The following NEBL variants were observed in gnomAD, a reference collection of about 807,000 sequenced individuals.
NEBL encodes nebulette.
NEBL carries 122 observed loss-of-function variants against 140.2 expected under a neutral mutation model. The observed-to-expected ratio is 0.87, with a 90% confidence interval of 0.75 to 1.01. The LOEUF is 1.01. NEBL is among the 50% of genes least tolerant of loss of function. NEBL has a pLI of 0.00. For missense variants in NEBL, 1,365 were observed against 1,231.3 expected, an observed-to-expected ratio of 1.11 and a Z score of -1.62; for synonymous variants, 436 against 398.9, an observed-to-expected ratio of 1.09 and a Z score of -1.11.
At chr10:20,929,682 G>C (rs1349217713) in intron 4 of NEBL, among the ~76,000 whole-genome samples, 3 of 151,404 alleles carry the variant, frequency 2.0e-5, no homozygotes, top group Non-Finnish European at 2.9e-5. Flanking sequence ...TCATTTACAA[G>C]TGGGAGCTAA....
intron 2 of NEBL, among the ~76,000 whole-genome samples, chr10:21,071,084 A>C (rs1396799094): frequency 6.6e-6 from 1 of 151,810 alleles, no homozygotes; most frequent in Non-Finnish European, 1.5e-5. Flanking sequence ...AGTCAGGAGG[A>C]TCACTTGAGC....
At chr10:21,116,019 C>G (rs1838269294) in intron 2 of NEBL, among the ~76,000 whole-genome samples, 1 of 152,032 alleles carries the variant, frequency 6.6e-6, no homozygotes, top group Admixed American at 6.6e-5. Flanking sequence ...TTATCCCTCT[C>G]ATGTATCTTC....
At chr10:21,190,446 T>C (rs11012568) in intron 3 of NEBL, among the ~76,000 whole-genome samples, 25,998 of 152,030 alleles carry the variant, frequency 0.17, 2,586 homozygotes, top group African/African-American at 0.27. Flanking sequence ...ATTGAACCAC[T>C]GCACTCCAGC....
At chr10:20,811,982 A>G (rs12359227) in intron 24 of NEBL, among the ~76,000 whole-genome samples, 13,222 of 152,186 alleles carry the variant, frequency 0.087, 653 homozygotes, top group African/African-American at 0.12. Flanking sequence ...TCTCCTGACT[A>G]TAAGGAACAG....
intron 2 of NEBL, among the ~76,000 whole-genome samples, chr10:21,136,213 C>T (rs1839348431): frequency 6.6e-6 from 1 of 152,186 alleles, no homozygotes; most frequent in Admixed American, 6.5e-5. Context: ...TTCCTCAGTC[C>T]ACTCCACACT....
At chr10:21,083,645 G>A (rs1453072427) in intron 2 of NEBL, among the ~76,000 whole-genome samples, 2 of 152,102 alleles carry the variant, frequency 1.3e-5, no homozygotes, top group African/African-American at 4.8e-5. Flanking sequence ...AGGAGTTCGA[G>A]AACAGCCTGG....
chr10:21,095,058 C>T (rs905787758), intron 2 of NEBL, among the ~76,000 whole-genome samples: 3 of 152,168 alleles, frequency 2.0e-5, no homozygotes, highest in African/African-American at 7.2e-5. Flanking sequence ...ACCTGCATCC[C>T]ATTGAGAACT....
intron 17 of NEBL, among the ~76,000 whole-genome samples, chr10:20,827,447 G>A (rs754471376): frequency 6.6e-6 from 1 of 152,198 alleles, no homozygotes; most frequent in African/African-American, 2.4e-5. Flanking sequence ...TAATTAGGAG[G>A]TAGGAAATAT....
In NEBL at chr10:20,858,165, C is replaced by T. The variant is rs151087770; in HGVS notation, c.903+75G>A. On this transcript the variant is annotated intron_variant, in intron 9 of 27. Coordinates refer to ENST00000377122, the MANE Select transcript of NEBL (RefSeq NM_006393.3). ...CAGGCCTTCTAAGGAAGCAGGTGAG[C>T]ACATGAACGCTGCAGACATATTGGC... 2.4e-5 allele frequency: 27 copies of T among 1,142,748 alleles called. No homozygotes were observed. In the African/African-American group the frequency reaches 3.8e-4, roughly 16 times the overall value. 70.8% of individuals were successfully genotyped at this position (1,142,748 alleles called of 1,614,324 possible). A position where few individuals can be genotyped will look rare whatever the true frequency, so the allele number is the denominator to read the frequency against.
chr10:20,803,720 C>T (rs567637760), intron 26 of NEBL, among the ~76,000 whole-genome samples: 2 of 151,466 alleles, frequency 1.3e-5, no homozygotes, highest in South Asian at 2.1e-4. Context: ...AGCACCTTCT[C>T]ACCAGAGCCC....
At chr10:20,807,591 A>G (rs1337303379) in intron 26 of NEBL, among the ~76,000 whole-genome samples, 2 of 152,212 alleles carry the variant, frequency 1.3e-5, no homozygotes, top group African/African-American at 4.8e-5. Flanking sequence ...CAATTATACA[A>G]TCTTTCGCAG....
chr10:21,260,364 G>A lies in NEBL; in HGVS notation n.183-8536C>T, dbSNP rs556542465. Reference sequence around the variant, plus strand: ...TGCCAAATTTGCTAACAGGGCCTGCGGATTCCAGACGCAGTCTGATGGGCT... The same window carrying A: ...TGCCAAATTTGCTAACAGGGCCTGCAGATTCCAGACGCAGTCTGATGGGCT... On this transcript the variant is annotated intron_variant and non_coding_transcript_variant, in intron 1 of 8. Transcript: ENST00000675702. 4.6e-5 allele frequency among the ~76,000 whole-genome samples: 7 copies of A among 152,282 alleles called. No homozygotes were observed. The East Asian group carries it at 5.8e-4, about 13-fold the overall frequency.
At chr10:20,906,117 A>C (rs944075516) in intron 4 of NEBL, among the ~76,000 whole-genome samples, 5 of 152,228 alleles carry the variant, frequency 3.3e-5, no homozygotes, top group African/African-American at 1.2e-4. Context: ...AAAATATTTA[A>C]GGGAAATTCA....
intron 2 of NEBL, among the ~76,000 whole-genome samples, chr10:21,070,651 T>C (rs1241472639): frequency 1.3e-5 from 2 of 152,104 alleles, no homozygotes; most frequent in South Asian, 4.2e-4. Context: ...ACTCTGAACA[T>C]TAAATCTTCT....
chr10:20,814,916 T>C (rs932027222), intron 22 of NEBL, among the ~76,000 whole-genome samples: 1 of 152,220 alleles, frequency 6.6e-6, no homozygotes, highest in Admixed American at 6.5e-5. Context: ...AGCTGTAAAT[T>C]GCAAAGCCTA....
At chr10:21,275,849 G>A (rs1380829135) in intron 1 of NEBL, among the ~76,000 whole-genome samples, 3 of 148,012 alleles carry the variant, frequency 2.0e-5, no homozygotes, top group East Asian at 4.0e-4. Context: ...GTAGAGACGG[G>A]GTTTCTCCAT....
intron 26 of NEBL, among the ~76,000 whole-genome samples, chr10:20,796,933 C>T (rs1022675087): frequency 6.6e-6 from 1 of 152,152 alleles, no homozygotes; most frequent in Non-Finnish European, 1.5e-5. Context: ...TCCCCCAAAA[C>T]AAGACAGAAA....
At position 20,888,528 on chromosome 10, in the gene NEBL, G is replaced by A. The variant is rs541527284; in HGVS notation, c.259-321C>T. 2.6e-5 allele frequency among the ~76,000 whole-genome samples: 4 copies of A among 152,322 alleles called. No individual in the cohort carries two copies. The East Asian group carries it at 5.8e-4, about 22-fold the overall frequency. ...TGCTGGATGAGTGAGCAAACAATTC[G>A]AGTTGTTCCAGAAAATGCAAGTCGT... On this transcript the variant is annotated intron_variant, in intron 3 of 27. Transcript: ENST00000377122.
intron 3 of NEBL, among the ~76,000 whole-genome samples, chr10:21,204,224 A>G (rs1473109679): frequency 1.3e-5 from 2 of 152,160 alleles, no homozygotes; most frequent in South Asian, 4.1e-4. Flanking sequence ...CCCACTGTGG[A>G]GGGAGAAATC....
Sources: gnomAD v4.1 joint callset for allele counts (sites outside exome capture counted in the v4.1 genomes callset) on GRCh38, gnomAD v4.1.1 for gene constraint, MANE v1.5 for transcripts, NCBI Gene and HGNC (gene_info 2026-07-23, HGNC 2026-07-21) for gene names.